TIAM1: variants seen among roughly 807,000 people sequenced by gnomAD.
TIAM1 encodes TIAM Rac1 associated GEF 1.
In TIAM1, 65 loss-of-function variants were observed where a neutral mutation model predicts 163.5. That is an observed-to-expected ratio of 0.40 (90% confidence interval 0.33 to 0.49). The LOEUF (loss-of-function observed/expected upper bound fraction) is 0.49, where lower values mean the gene tolerates loss of function less well. TIAM1 is among the 20% of genes least tolerant of loss of function. The pLI is 0.77. For missense variants in TIAM1, 1,789 were observed against 2,044.7 expected, an observed-to-expected ratio of 0.87 and a Z score of 2.41; for synonymous variants, 833 against 810.1, an observed-to-expected ratio of 1.03 and a Z score of -0.48.
At chr21:31,152,859 A>G in intron 18 of TIAM1, 98 bp from the exon 19 acceptor site, 1 of 1,491,486 alleles carries the variant, frequency 6.7e-7, no homozygotes, top group Non-Finnish European at 9.0e-7. Flanking sequence ...ATTCTTATCA[A>G]TTAAGAGAAT....
chr21:31,541,000 T>C (rs1368793898), intron 1 of TIAM1, among the ~76,000 whole-genome samples: 1 of 152,192 alleles, frequency 6.6e-6, no homozygotes, highest in Non-Finnish European at 1.5e-5. Context: ...ATACATCAAC[T>C]GATGAAGACC....
intron 20 of TIAM1, 106 bp downstream of exon 20, chr21:31,146,789 C>A: frequency 1.3e-6 from 1 of 796,040 alleles, no homozygotes; most frequent in Non-Finnish European, 2.1e-6. Context: ...GAACATCTAT[C>A]TGGCAACCAA....
chr21:31,217,768 C>T, intron 8 of TIAM1, 69 bp from the exon 9 acceptor site: 1 of 1,551,024 alleles, frequency 6.4e-7, no homozygotes, highest in Non-Finnish European at 8.7e-7. Flanking sequence ...CCTTGAGGTC[C>T]CCGTAAGTCC....
chr21:31,269,390 C>G (rs1226640223), intron 3 of TIAM1, among the ~76,000 whole-genome samples: 2 of 152,228 alleles, frequency 1.3e-5, no homozygotes, highest in Admixed American at 6.5e-5. Flanking sequence ...GAGAAACTCT[C>G]AGGGGATGGC....
chr21:31,387,686 G>A (rs2284509), intron 2 of TIAM1, among the ~76,000 whole-genome samples: 19,262 of 152,192 alleles, frequency 0.13, 1,392 homozygotes, highest in Admixed American at 0.22. Flanking sequence ...CCAAGGCACA[G>A]GGTGCCAGCC....
chr21:31,243,611 C>A (rs1337775354), intron 6 of TIAM1, among the ~76,000 whole-genome samples: 1 of 151,944 alleles, frequency 6.6e-6, no homozygotes, highest in African/African-American at 2.4e-5. Context: ...GCTACTAGTA[C>A]CCACAACAAT....
chr21:31,464,627 G>A (rs762858704), intron 1 of TIAM1, among the ~76,000 whole-genome samples: 2 of 151,992 alleles, frequency 1.3e-5, no homozygotes, highest in Non-Finnish European at 2.9e-5. Context: ...TGGATCACTC[G>A]AGGTCAGAAG....
intron 15 of TIAM1, among the ~76,000 whole-genome samples, chr21:31,181,314 G>C (rs73349793): frequency 0.03 from 4,639 of 152,228 alleles, 237 homozygotes; most frequent in African/African-American, 0.11. Context: ...GGCGAAAAGA[G>C]AGACACAAGC....
At chr21:31,146,638 GA>G (rs997906712) in intron 20 of TIAM1, among the ~76,000 whole-genome samples, 1 of 150,176 alleles carries the variant, frequency 6.7e-6, no homozygotes, top group African/African-American at 2.5e-5. Context: ...TTGAACCTGG[GA>G]GGCAGAGGTC....
At chr21:31,475,025 T>TTTTTATTA (rs1285962494) in intron 1 of TIAM1, among the ~76,000 whole-genome samples, 1 of 118,714 alleles carries the variant, frequency 8.4e-6, no homozygotes, top group East Asian at 2.2e-4. Context: ...GAGCTAGTTT[T>TTTTTATTA]TTATTATTAT....
chr21:31,266,301 G>A lies in TIAM1; in HGVS notation c.672C>T (p.Ser224=), dbSNP rs1214758001. Residue 224 remains serine (S), a synonymous_variant, in exon 4 of 28, where the codon AGC becomes AGT. Coordinates refer to ENST00000541036, the MANE Select transcript of TIAM1 (RefSeq NM_001353694.2). The stretch of plus-strand genomic sequence containing the variant: ...CCAAGGAATTGGCTCTCTGACAGGT[G>A]CTGAGCTGCCGCGGACTCGCCCGCG... The part of the protein sequence containing the change: ...METRASPRQL[S]TCQRANSLGD... 3 of 1,614,116 alleles carry A rather than the reference G, an allele frequency of 1.9e-6. No individual in the cohort carries two copies. The highest frequency in any genetic ancestry group is 1.3e-5 in the African/African-American group (1 of 74,932).
At chr21:31,336,591 C>T (rs1215971353) in intron 2 of TIAM1, among the ~76,000 whole-genome samples, 3 of 151,512 alleles carry the variant, frequency 2.0e-5, no homozygotes, top group South Asian at 2.1e-4. Flanking sequence ...CAGCTCTGAC[C>T]GGGTTTTAAT....
intron 2 of TIAM1, among the ~76,000 whole-genome samples, chr21:31,401,727 A>G (rs2147219654): frequency 6.6e-6 from 1 of 151,898 alleles, no homozygotes; most frequent in East Asian, 1.9e-4. Context: ...GTTCGAGACC[A>G]GCGAGACCCC....
chr21:31,171,219 A>G (rs1601403349), intron 15 of TIAM1, among the ~76,000 whole-genome samples: 1 of 152,270 alleles, frequency 6.6e-6, no homozygotes, highest in East Asian at 1.9e-4. Context: ...ATTCACAAAA[A>G]TCAGTACCAG....
chr21:31,492,509 T>C (rs2046502224), intron 1 of TIAM1, among the ~76,000 whole-genome samples: 1 of 152,152 alleles, frequency 6.6e-6, no homozygotes, highest in Admixed American at 6.6e-5. Context: ...GATCAAGGAC[T>C]CAAAAGAATG....
rs1473104305 is a variant in TIAM1 at position 31,505,978 on chromosome 21, T to TGGG, written c.-421-41944_-421-41943insCCC. ...GAGCCAAGATCTTGGGCCACTGCAC[T>TGGG]CCAGCCTGGGCGACACGGTGAGACT... On this transcript the variant is annotated intron_variant, in intron 1 of 28. Coordinates refer to the TIAM1 transcript ENST00000286827. Among the ~76,000 whole-genome samples the TGGG allele has an allele frequency of 4.0e-5, 5 of 124,254 alleles. No homozygotes were observed. In the East Asian group the frequency reaches 1.2e-3, roughly 30 times the overall value. The allele number at this position is 124,254 out of a possible 152,430, so 81.5% of individuals were successfully genotyped here.
intron 12 of TIAM1, among the ~76,000 whole-genome samples, chr21:31,201,110 C>G (rs1476874976): frequency 6.6e-6 from 1 of 152,146 alleles, no homozygotes; most frequent in Admixed American, 6.5e-5. Context: ...AACATGGAAC[C>G]TGGTTAGGCA....
intron 2 of TIAM1, among the ~76,000 whole-genome samples, chr21:31,305,444 C>A (rs904975352): frequency 6.6e-6 from 1 of 150,744 alleles, no homozygotes; most frequent in African/African-American, 2.4e-5. Flanking sequence ...AAAAACAGTT[C>A]TTAGCCTTTT....
chr21:31,283,461 G>A (rs1315659382), intron 2 of TIAM1, among the ~76,000 whole-genome samples: 1 of 152,166 alleles, frequency 6.6e-6, no homozygotes, highest in Non-Finnish European at 1.5e-5. Context: ...GACACACCAT[G>A]AGAATCATGT....
Sources: gnomAD v4.1 joint callset for allele counts (sites outside exome capture counted in the v4.1 genomes callset) on GRCh38, gnomAD v4.1.1 for gene constraint, MANE v1.5 for transcripts, NCBI Gene and HGNC (gene_info 2026-07-23, HGNC 2026-07-21) for gene names.